HOOK1: variants seen among roughly 807,000 people sequenced by gnomAD.
The protein encoded by HOOK1 is hook microtubule tethering protein 1.
Under a neutral mutation model 112.8 loss-of-function variants are expected in HOOK1, and 60 were observed. The observed-to-expected ratio is 0.53, with a 90% CI of 0.43 to 0.66. The LOEUF (loss-of-function observed/expected upper bound fraction) is 0.66, where lower values mean the gene tolerates loss of function less well. Among genes scored for constraint, HOOK1 ranks in the 30% least tolerant of loss-of-function variants. The probability of loss-of-function intolerance (pLI) is 0.00; values close to 1 mark genes in which losing one functional copy is unlikely to be tolerated. For missense variants in HOOK1, 770 were observed against 856.0 expected (o/e 0.90, Z 1.25); for synonymous variants, 294 against 283.8 (o/e 1.04, Z -0.36).
intron 11 of HOOK1, 94 bp downstream of exon 11, chr1:59,848,610 G>A: frequency 1.2e-6 from 1 of 810,498 alleles, no homozygotes; most frequent in South Asian, 1.8e-5. Context: ...AAATTGAGAA[G>A]CGTTGCATGT....
At chr1:59,822,054 A>C in intron 2 of HOOK1, 111 bp downstream of exon 2, 1 of 829,432 alleles carries the variant, frequency 1.2e-6, no homozygotes, top group Non-Finnish European at 2.0e-6. Flanking sequence ...TTACCCAGTG[A>C]CATATTCAGG....
At position 59,847,204 on chromosome 1, in the gene HOOK1, A is replaced by C; in HGVS notation, c.929+19A>C. On this transcript the variant is annotated intron_variant, in intron 10 of 21. Coordinates refer to ENST00000371208, the MANE Select transcript of HOOK1 (RefSeq NM_015888.6). ...TTCTTAGGTATGGCATGTCTTAAAAAATATAATTATGCCATTTCTGAGCTA... is the reference window on the plus strand; with the variant it reads ...TTCTTAGGTATGGCATGTCTTAAAACATATAATTATGCCATTTCTGAGCTA... The C allele has an allele frequency of 1.3e-6, 2 of 1,578,122 alleles. No individual in the cohort carries two copies. The highest frequency in any genetic ancestry group is 1.7e-6 in the Non-Finnish European group (2 of 1,164,154).
intron 9 of HOOK1, 107 bp from the exon 10 acceptor site, chr1:59,846,938 G>A: frequency 1.4e-6 from 1 of 700,094 alleles, no homozygotes; most frequent in Non-Finnish European, 2.2e-6. Context: ...ATATTTTATT[G>A]TGTTGAGTGT....
In HOOK1 at chr1:59,873,070, A is replaced by T; in HGVS notation, c.*105A>T. 1.1e-6 allele frequency: 1 copy of T among 904,548 alleles called. No individual in the cohort carries two copies. Among genetic ancestry groups the T allele is most frequent in the Non-Finnish European group, 1.5e-6 (1 of 663,136 alleles). The allele number at this position is 904,548 out of a possible 1,614,324, so 56.0% of individuals were successfully genotyped here. ...CTACCAGATTGAAAAAGAGTTTATG[A>T]TGCGGGATATCAGGTATTTTAAAAT... is the stretch of plus-strand genomic sequence containing the variant. On this transcript the variant is annotated 3_prime_UTR_variant, in exon 22 of 22. Coordinates refer to ENST00000371208, the MANE Select transcript of HOOK1 (RefSeq NM_015888.6).
chr1:59,864,191 A>C (rs1643916135), intron 16 of HOOK1, among the ~76,000 whole-genome samples: 1 of 151,914 alleles, frequency 6.6e-6, no homozygotes, highest in Non-Finnish European at 1.5e-5. Context: ...ACTATAATAA[A>C]ATTTTATTAT....
intron 15 of HOOK1, among the ~76,000 whole-genome samples, chr1:59,862,338 C>A (rs1330445863): frequency 6.6e-6 from 1 of 152,116 alleles, no homozygotes; most frequent in African/African-American, 2.4e-5. Context: ...GCTAGTGGCA[C>A]TCCCTTTAAT....
Position 59,873,721 on chromosome 1 carries a change from C to G in HOOK1, c.*756C>G, listed in dbSNP as rs1465271755. On this transcript the variant is annotated 3_prime_UTR_variant, in exon 22 of 22. Coordinates refer to ENST00000371208, the MANE Select transcript of HOOK1 (RefSeq NM_015888.6). ...TAATAGGTGACTTTCTGATGGAAAG[C>G]AAGCTATATATATATATATATATAT... 1 of 72,766 alleles carries G rather than the reference C, an allele frequency of 1.4e-5. No homozygotes were observed. Among genetic ancestry groups the G allele is most frequent in the Non-Finnish European group, 2.5e-5 (1 of 39,878 alleles). 4.5% of individuals were successfully genotyped at this position (72,766 alleles called of 1,614,324 possible). A position where few individuals can be genotyped will look rare whatever the true frequency, so the allele number is the denominator to read the frequency against.
At position 59,872,806 on chromosome 1, in the gene HOOK1, C is replaced by T. The variant is rs542488749; in HGVS notation, c.2028C>T (p.Phe676=). The change falls in exon 22 of 22, where the codon TTC becomes TTT. Residue 676 remains phenylalanine (F), a synonymous_variant. Transcript: ENST00000371208. Reference sequence around the variant, plus strand: ...TTTTTTTTTTTCAGAGTCTAGCATTCCAGAAACTGGGGATGGAATCTAGAC... The same window carrying T: ...TTTTTTTTTTTCAGAGTCTAGCATTTCAGAAACTGGGGATGGAATCTAGAC... ...VSAWYNKSLA[F]QKLGMESRLV... 46 of 1,423,778 alleles carry T rather than the reference C, an allele frequency of 3.2e-5. No homozygotes were observed. In the African/African-American group the frequency reaches 3.5e-4, roughly 11 times the overall value. The allele number at this position is 1,423,778 out of a possible 1,614,324, so 88.2% of individuals were successfully genotyped here.
Position 59,822,927 on chromosome 1 carries a change from T to C in HOOK1, c.149+984T>C, listed in dbSNP as rs1318062653. Among the ~76,000 whole-genome samples the C allele has an allele frequency of 2.6e-4, 40 of 152,258 alleles. 2 individuals are homozygous for C. The highest frequency in any genetic ancestry group is 4.4e-5 in the Non-Finnish European group (3 of 68,042). On this transcript the variant is annotated intron_variant, in intron 2 of 21. Coordinates refer to ENST00000371208, the MANE Select transcript of HOOK1 (RefSeq NM_015888.6). ...GATTTAATGGTTAATTTATGATTAA[T>C]ACTTTAAAAGACAAACTTAACTAAC...
In HOOK1 at chr1:59,815,245, G is replaced by A. The variant is rs977154265; in HGVS notation, c.63+65G>A. The A allele has an allele frequency of 7.6e-6, 11 of 1,443,780 alleles. No homozygotes were observed. In the Middle Eastern group the frequency reaches 6.9e-4, roughly 91 times the overall value. 89.4% of individuals were successfully genotyped at this position (1,443,780 alleles called of 1,614,324 possible). A position where few individuals can be genotyped will look rare whatever the true frequency, so the allele number is the denominator to read the frequency against. The stretch of plus-strand genomic sequence containing the variant: ...CCGAGGCGAGGAGCCTGGGGCGCCC[G>A]GTTCTCCCAGGTGAGCTGGGGCTAC... On this transcript the variant is annotated intron_variant, in intron 1 of 21. Transcript: ENST00000371208.
rs745499716 is a variant in HOOK1 at position 59,859,022 on chromosome 1, TGAG to T, written c.1369_1371del (p.Glu457del). 1.3e-6 allele frequency: 2 copies of T among 1,569,672 alleles called. No homozygotes were observed. On this transcript the variant is annotated inframe_deletion, in exon 14 of 22. Transcript: ENST00000371208. Reference sequence around the variant, plus strand: ...CAAAAAGTTATGAGAATCTTGCTGCTGAGATTATGCCAGTGGAATATAGGTAAA... The same window carrying T: ...CAAAAAGTTATGAGAATCTTGCTGCTATTATGCCAGTGGAATATAGGTAAA...
chr1:59,821,721 G>A lies in HOOK1; in HGVS notation c.64-137G>A, dbSNP rs2098385776. On this transcript the variant is annotated intron_variant, in intron 1 of 21. Coordinates refer to ENST00000371208, the MANE Select transcript of HOOK1 (RefSeq NM_015888.6). ...TAGCATAGTTCCATTTGTTTGTCTG[G>A]GTCTACATTTAAACAAAACAGGACC... 4 of 581,382 alleles carry A rather than the reference G, an allele frequency of 6.9e-6. No homozygotes were observed. In the South Asian group the frequency reaches 6.9e-5, roughly 10 times the overall value. 36.0% of individuals were successfully genotyped at this position (581,382 alleles called of 1,614,324 possible). A position where few individuals can be genotyped will look rare whatever the true frequency, so the allele number is the denominator to read the frequency against.
chr1:59,827,233 C>G (rs1399586908), intron 2 of HOOK1, among the ~76,000 whole-genome samples: 1 of 152,152 alleles, frequency 6.6e-6, no homozygotes, highest in Non-Finnish European at 1.5e-5. Flanking sequence ...TTCTTAAGGC[C>G]TTCAACTGAT....
chr1:59,854,122 G>C (rs529363967), intron 12 of HOOK1, among the ~76,000 whole-genome samples: 2 of 124,754 alleles, frequency 1.6e-5, no homozygotes, highest in East Asian at 5.4e-4. Context: ...CACGATTTTG[G>C]CTTACTACAA....
chr1:59,862,909 T>C, intron 16 of HOOK1, 32 bp downstream of exon 16: 2 of 1,223,094 alleles, frequency 1.6e-6, no homozygotes, highest in Non-Finnish European at 2.4e-6. Flanking sequence ...ATAATTCTGC[T>C]GTGTATGGCT....
chr1:59,846,768 G>T, intron 9 of HOOK1, among the ~76,000 whole-genome samples: 1 of 150,988 alleles, frequency 6.6e-6, no homozygotes, highest in African/African-American at 2.4e-5. Context: ...CTTGACTTGT[G>T]GGTTATTTAG....
At chr1:59,844,014 T>TA (rs2098402363) in intron 9 of HOOK1, among the ~76,000 whole-genome samples, 1 of 152,010 alleles carries the variant, frequency 6.6e-6, no homozygotes, top group African/African-American at 2.4e-5. Context: ...CATGTATCCT[T>TA]ACCTTTAATA....
In HOOK1 at chr1:59,815,039, G is replaced by A. The variant is rs2098380047; in HGVS notation, c.-79G>A. On this transcript the variant is annotated 5_prime_UTR_variant, in exon 1 of 22. It adds an upstream start codon to the 5' untranslated region. Coordinates refer to ENST00000371208, the MANE Select transcript of HOOK1 (RefSeq NM_015888.6). ...GAGCTTTCCTGGGGGCTAGCAGGTC[G>A]TGGACGCCGGCTCCTGGAGGAGAGC... The A allele has an allele frequency of 7.0e-7, 1 of 1,424,714 alleles. No individual in the cohort carries two copies. The highest frequency in any genetic ancestry group is 1.4e-5 in the African/African-American group (1 of 69,974). 88.3% of individuals were successfully genotyped at this position (1,424,714 alleles called of 1,614,324 possible). A position where few individuals can be genotyped will look rare whatever the true frequency, so the allele number is the denominator to read the frequency against.
intron 19 of HOOK1, 22 bp downstream of exon 19, chr1:59,865,994 G>T: frequency 7.5e-7 from 1 of 1,329,156 alleles, no homozygotes. Context: ...ATCTTTCGGA[G>T]CTCAAGACTT....
Sources: gnomAD v4.1 joint callset for allele counts (sites outside exome capture counted in the v4.1 genomes callset) on GRCh38, gnomAD v4.1.1 for gene constraint, MANE v1.5 for transcripts, NCBI Gene and HGNC (gene_info 2026-07-23, HGNC 2026-07-21) for gene names.